MSRA: variants seen among roughly 807,000 people sequenced by gnomAD.
MSRA encodes the protein mitochondrial peptide methionine sulfoxide reductase.
MSRA carries 54 observed loss-of-function variants against 31.3 expected under a neutral mutation model. The observed-to-expected ratio is 1.73, with a 90% CI of 1.39 to 2.17. The LOEUF (loss-of-function observed/expected upper bound fraction) is 2.17, where lower values mean the gene tolerates loss of function less well. Among genes scored for constraint, MSRA ranks in the 30% most tolerant of loss-of-function variants. The pLI, the probability that MSRA is intolerant of heterozygous loss-of-function variation, is 0.00. For missense variants in MSRA, 507 were observed against 300.9 expected (o/e 1.69, Z -5.07); for synonymous variants, 169 against 116.5 (o/e 1.45, Z -2.90).
chr8:10,114,226 G>A (rs1050457726), intron 1 of MSRA, among the ~76,000 whole-genome samples: 3 of 152,140 alleles, frequency 2.0e-5, no homozygotes, highest in African/African-American at 7.2e-5. Context: ...TCAGTTGGTG[G>A]ACATTTGGGT....
chr8:10,313,941 A>G (rs1357000942), intron 4 of MSRA, among the ~76,000 whole-genome samples: 1 of 152,212 alleles, frequency 6.6e-6, no homozygotes, highest in East Asian at 1.9e-4. Flanking sequence ...CAATAGTGAT[A>G]AGATAATTTT....
chr8:10,342,904 G>A (rs1405093161), intron 5 of MSRA, among the ~76,000 whole-genome samples: 1 of 152,150 alleles, frequency 6.6e-6, no homozygotes, highest in Admixed American at 6.5e-5. Context: ...TAACTTCTCT[G>A]GCCTGAGCGT....
intron 3 of MSRA, among the ~76,000 whole-genome samples, chr8:10,287,606 T>A (rs1424390970): frequency 6.6e-6 from 1 of 152,172 alleles, no homozygotes; most frequent in Non-Finnish European, 1.5e-5. Flanking sequence ...ACCGTTCTCA[T>A]GCGTTGGACT....
chr8:10,360,500 T>G (rs1366573842), intron 5 of MSRA, among the ~76,000 whole-genome samples: 3 of 152,206 alleles, frequency 2.0e-5, no homozygotes, highest in Non-Finnish European at 2.9e-5. Context: ...TGGAAGGATC[T>G]CATTGTAGCT....
intron 3 of MSRA, among the ~76,000 whole-genome samples, chr8:10,254,832 T>A (rs1798093717): frequency 6.6e-6 from 1 of 152,264 alleles, no homozygotes; most frequent in South Asian, 2.1e-4. Context: ...ATGCTAGAGC[T>A]GTGCCAAAGT....
chr8:10,319,026 C>T (rs1801889020), intron 4 of MSRA, among the ~76,000 whole-genome samples: 1 of 152,210 alleles, frequency 6.6e-6, no homozygotes, highest in Admixed American at 6.5e-5. Context: ...GAGACATAGG[C>T]CCCTTCCCCA....
intron 5 of MSRA, among the ~76,000 whole-genome samples, chr8:10,347,717 C>T (rs967376563): frequency 6.6e-6 from 1 of 152,206 alleles, no homozygotes; most frequent in Non-Finnish European, 1.5e-5. Flanking sequence ...GCCTTCAGAG[C>T]TCTCAACCGT....
intron 2 of MSRA, among the ~76,000 whole-genome samples, chr8:10,221,634 A>G (rs899682661): frequency 6.6e-6 from 1 of 152,160 alleles, no homozygotes; most frequent in Non-Finnish European, 1.5e-5. Context: ...AATCTCTAGC[A>G]GCTTATACTC....
chr8:10,275,460 G>C (rs541370730), intron 3 of MSRA, among the ~76,000 whole-genome samples: 1 of 152,180 alleles, frequency 6.6e-6, no homozygotes, highest in Non-Finnish European at 1.5e-5. Context: ...TTAAAGAATT[G>C]GAGTTGTGAA....
chr8:10,133,264 A>G (rs1413342221), intron 1 of MSRA, among the ~76,000 whole-genome samples: 4 of 152,320 alleles, frequency 2.6e-5, no homozygotes, highest in African/African-American at 7.2e-5. Flanking sequence ...GCTGCGTGCT[A>G]TAAATTCTGG....
intron 1 of MSRA, among the ~76,000 whole-genome samples, chr8:10,099,415 T>C (rs886332947): frequency 2.0e-5 from 3 of 152,098 alleles, no homozygotes; most frequent in Non-Finnish European, 4.4e-5. Flanking sequence ...ATTCCTAGTG[T>C]AGTTGGGTAG....
chr8:10,089,173 G>C (rs578085673), intron 1 of MSRA, among the ~76,000 whole-genome samples: 1 of 152,066 alleles, frequency 6.6e-6, no homozygotes, highest in East Asian at 1.9e-4. Context: ...GTAACTCTGA[G>C]GTGATGGATA....
intron 1 of MSRA, among the ~76,000 whole-genome samples, chr8:10,177,691 C>T (rs949889641): frequency 5.9e-5 from 9 of 152,196 alleles, no homozygotes; most frequent in African/African-American, 1.9e-4. Context: ...TCTCAGCTTA[C>T]ATCTGGTTAT....
At chr8:10,337,821 G>C (rs1803151752) in intron 5 of MSRA, 2 of 702,496 alleles carry the variant, frequency 2.8e-6, no homozygotes, top group African/African-American at 3.5e-5. Context: ...AATATTATTA[G>C]TATGCAGCAA....
rs183470697 is a variant in MSRA, at chr8:10,165,790, A to G, written c.143-42043A>G. 1.3e-3 allele frequency among the ~76,000 whole-genome samples: 193 copies of G among 152,302 alleles called. 1 individual carries two copies. The highest frequency in any genetic ancestry group is 4.4e-3 in the Admixed American group (67 of 15,300). Reference sequence around the variant, plus strand: ...GCAGAGTCCTCCTCAGGATTGCAGCACGGGTGAAAAGCTTGCTGACAAATA... The same window carrying G: ...GCAGAGTCCTCCTCAGGATTGCAGCGCGGGTGAAAAGCTTGCTGACAAATA... On this transcript the variant is annotated intron_variant, in intron 1 of 5. Coordinates refer to ENST00000317173, the MANE Select transcript of MSRA (RefSeq NM_012331.5).
chr8:10,313,092 C>T (rs1801523682), intron 4 of MSRA, among the ~76,000 whole-genome samples: 1 of 152,144 alleles, frequency 6.6e-6, no homozygotes, highest in Admixed American at 6.5e-5. Context: ...AGCCGGACAC[C>T]ATTCCTCTTC....
intron 1 of MSRA, among the ~76,000 whole-genome samples, chr8:10,074,670 C>G (rs960635401): frequency 4.6e-5 from 7 of 151,500 alleles, no homozygotes; most frequent in Non-Finnish European, 7.4e-5. Flanking sequence ...CTTTTCTTTT[C>G]TTTTTTTTGA....
At position 10,138,224 on chromosome 8, in the gene MSRA, A is replaced by C. The variant is rs750154093; in HGVS notation, c.143-69609A>C. Among the ~76,000 whole-genome samples the C allele has an allele frequency of 5.3e-5, 8 of 152,282 alleles. No individual in the cohort carries two copies. The South Asian group carries it at 8.3e-4, about 16-fold the overall frequency. The stretch of plus-strand genomic sequence containing the variant: ...ATAGAGGTGAAAGATTTTAAAATGG[A>C]TATCTCTTTGAGAGGTAATTCATTG... On this transcript the variant is annotated intron_variant, in intron 1 of 5. Transcript: ENST00000317173.
intron 1 of MSRA, among the ~76,000 whole-genome samples, chr8:10,093,969 T>A (rs1798990991): frequency 6.6e-6 from 1 of 152,222 alleles, no homozygotes; most frequent in Admixed American, 6.5e-5. Context: ...CAATGAGAAA[T>A]CGGCTGTTAA....
Sources: allele counts gnomAD v4.1 joint callset (sites outside exome capture counted in the v4.1 genomes callset), GRCh38; gene constraint gnomAD v4.1.1; transcripts MANE v1.5; gene names NCBI Gene and HGNC (gene_info 2026-07-23, HGNC 2026-07-21).